Variants in RIC1 observed in about 807,000 individuals in gnomAD.
RIC1 encodes the protein guanine nucleotide exchange factor subunit RIC1.
A neutral mutation model predicts 169.0 loss-of-function variants in RIC1; 88 were observed. The ratio of observed to expected loss-of-function variants is 0.52; its 90% CI spans 0.44 to 0.62. The LOEUF is 0.62. RIC1 is among the 20% of genes least tolerant of loss of function. RIC1 has a pLI of 0.00. For missense variants in RIC1, 1,877 were observed against 1,725.5 expected, an observed-to-expected ratio of 1.09 and a Z score of -1.56; for synonymous variants, 790 against 601.5, an observed-to-expected ratio of 1.31 and a Z score of -4.59.
At chr9:5,691,298 A>G (rs1821579064) in intron 3 of RIC1, among the ~76,000 whole-genome samples, 1 of 152,016 alleles carries the variant, frequency 6.6e-6, no homozygotes, top group East Asian at 1.9e-4. Context: ...GCAATACAGT[A>G]CAAATATTTA....
Position 5,765,686 on chromosome 9 carries a change from G to C in RIC1, c.3025G>C (p.Glu1009Gln). The change falls in exon 21 of 26, where the codon GAG (glutamate) becomes CAG (glutamine). Residue 1009 changes from glutamate to glutamine, a missense_variant. Glu to Gln is a conservative substitution (Grantham distance 29, BLOSUM62 2). Transcript: ENST00000414202. ...AQEPSSSGGF[E>Q]FFRNRSISLS... is the part of the protein sequence containing the mutation. Reference sequence around the variant, plus strand: ...GGAACCCAGTTCAAGTGGTGGATTTGAGTTCTTCAGGAATCGAAGCATCAG... The same window carrying C: ...GGAACCCAGTTCAAGTGGTGGATTTCAGTTCTTCAGGAATCGAAGCATCAG... The C allele has an allele frequency of 6.2e-7, 1 of 1,614,172 alleles. No individual in the cohort carries two copies. The highest frequency in any genetic ancestry group is 1.1e-5 in the South Asian group (1 of 91,072).
Position 5,629,319 on chromosome 9 carries a change from C to T in RIC1, c.10C>T (p.Leu4=), listed in dbSNP as rs1159897410. 2 of 1,524,244 alleles carry T rather than the reference C, an allele frequency of 1.3e-6. No individual in the cohort carries two copies. The highest frequency in any genetic ancestry group is 2.4e-5 in the South Asian group (2 of 82,312). The allele number at this position is 1,524,244 out of a possible 1,614,324, so 94.4% of individuals were successfully genotyped here. A position where few individuals can be genotyped will look rare whatever the true frequency, so the allele number is the denominator to read the frequency against. ...GGGCTCCGCACGGACCATGTATTTT[C>T]TGAGCGGCTGGCCCAAGAGGCTGCT... The part of the protein sequence containing the change: MYF[L]SGWPKRLLCP... The change falls in exon 1 of 26, where the codon CTG becomes TTG. Residue 4 remains leucine, a synonymous_variant. Transcript: ENST00000414202.
chr9:5,662,644 C>G (rs1210288557), intron 2 of RIC1, among the ~76,000 whole-genome samples: 4 of 152,108 alleles, frequency 2.6e-5, no homozygotes, highest in Admixed American at 2.6e-4. Flanking sequence ...TTATAGTATT[C>G]TCTGATGATT....
At chr9:5,700,208 G>C (rs190591443) in intron 3 of RIC1, among the ~76,000 whole-genome samples, 1 of 152,186 alleles carries the variant, frequency 6.6e-6, no homozygotes, top group Admixed American at 6.5e-5. Flanking sequence ...TTCTTAGCTA[G>C]TTCTATAAAT....
At position 5,772,896 on chromosome 9, in the gene RIC1, T is replaced by C; in HGVS notation, c.3799T>C (p.Leu1267=). The C allele has an allele frequency of 6.2e-7, 1 of 1,610,938 alleles. No individual in the cohort carries two copies. The highest frequency in any genetic ancestry group is 8.5e-7 in the Non-Finnish European group (1 of 1,178,686). The part of the protein sequence containing the change: ...PHKSQVQLRY[L]LHIFMEAGCL... Reference sequence around the variant, plus strand: ...TTTGTTTCTGCTTATATTTAGGTATTTGCTACACATTTTCATGGAGGCAGG... The same window carrying C: ...TTTGTTTCTGCTTATATTTAGGTATCTGCTACACATTTTCATGGAGGCAGG... Residue 1267 remains leucine (L), a synonymous_variant, in exon 25 of 26, where the codon TTG becomes CTG. Transcript: ENST00000414202.
intron 8 of RIC1, among the ~76,000 whole-genome samples, chr9:5,739,790 G>A (rs1181677962): frequency 6.6e-6 from 1 of 152,176 alleles, no homozygotes; most frequent in Non-Finnish European, 1.5e-5. Context: ...GTTCACCAGA[G>A]TTTACAAACT....
chr9:5,686,748 G>T (rs2130687923), intron 2 of RIC1, among the ~76,000 whole-genome samples: 1 of 151,970 alleles, frequency 6.6e-6, no homozygotes, highest in African/African-American at 2.4e-5. Flanking sequence ...TGCACAATGT[G>T]CACATGTACC....
At chr9:5,688,887 C>T (rs956401628) in intron 2 of RIC1, among the ~76,000 whole-genome samples, 1 of 152,090 alleles carries the variant, frequency 6.6e-6, no homozygotes, top group African/African-American at 2.4e-5. Flanking sequence ...TGCCACTTCA[C>T]TCTGTTAGGC....
At chr9:5,761,930 C>G (rs998150936) in intron 17 of RIC1, among the ~76,000 whole-genome samples, 2 of 152,188 alleles carry the variant, frequency 1.3e-5, no homozygotes, top group African/African-American at 4.8e-5. Flanking sequence ...ATCTGCCTCT[C>G]CTCAGTAACC....
At position 5,763,752 on chromosome 9, in the gene RIC1, G is replaced by A. The variant is rs1411422828; in HGVS notation, c.2725G>A (p.Glu909Lys). The A allele has an allele frequency of 1.2e-6, 2 of 1,614,184 alleles. No individual in the cohort carries two copies. Among genetic ancestry groups the A allele is most frequent in the Admixed American group, 1.7e-5 (1 of 60,020 alleles). The change falls in exon 19 of 26, where the codon GAA (glutamate) becomes AAA (lysine). Residue 909 changes from glutamate (E) to lysine (K), a missense_variant. Glu to Lys is a moderately conservative substitution (Grantham distance 56). Around this residue, in one of 3 missense-constraint regions of RIC1, gnomAD observed 92 missense variants for 151.5 expected, o/e 0.61. Coordinates refer to ENST00000414202, the MANE Select transcript of RIC1 (RefSeq NM_020829.4). This position sits in a 1 kb window ranked among gnomAD's most constrained non-coding sequence, Gnocchi z 5.2. The part of the protein sequence containing the change: ...QTVVHCARKT[E>K]YALWNYLFAA... ...AGTTGTCCATTGTGCCAGGAAGACCGAATATGCCCTGTGGAATTACCTTTT... is the reference window on the plus strand; with the variant it reads ...AGTTGTCCATTGTGCCAGGAAGACCAAATATGCCCTGTGGAATTACCTTTT...
Position 5,765,549 on chromosome 9 carries a change from C to G in RIC1, c.2977C>G (p.Pro993Ala). 1 of 1,614,122 alleles carries G rather than the reference C, an allele frequency of 6.2e-7. No homozygotes were observed. Among genetic ancestry groups the G allele is most frequent in the Non-Finnish European group, 8.5e-7 (1 of 1,179,970 alleles). ...CATTGGCTCTGGAGAATCTGAGACACCTCCATCCACACCCACAGCTCAGGT... is the reference window on the plus strand; with the variant it reads ...CATTGGCTCTGGAGAATCTGAGACAGCTCCATCCACACCCACAGCTCAGGT... ...KAIGSGESET[P>A]PSTPTAQEPS... Residue 993 changes from proline (P) to alanine (A), a missense_variant, in exon 20 of 26, where the codon CCT (proline) becomes GCT (alanine). This residue lies in a region of RIC1 where 681 missense variants were observed against 582.0 expected (regional missense o/e 1.17). Transcript: ENST00000414202.
rs747546016 is a variant in RIC1, at chr9:5,746,032, C to G, written c.1197C>G (p.Ser399Arg). ...TCAGGAGTGTAGTTAAACAGCCCAG[C>G]ATCCTGTTATTTCAGTTTATTAAGA... ...SDLRSVVKQP[S>R]ILLFQFIKSV... The change falls in exon 11 of 26, where the codon AGC (serine) becomes AGG (arginine). Residue 399 changes from serine to arginine, a missense_variant. Transcript: ENST00000414202. 12 of 1,613,442 alleles carry G rather than the reference C, an allele frequency of 7.4e-6. No individual in the cohort carries two copies. The highest frequency in any genetic ancestry group is 1.0e-5 in the Non-Finnish European group (12 of 1,179,526).
intron 2 of RIC1, among the ~76,000 whole-genome samples, chr9:5,681,802 A>G (rs1820859167): frequency 6.6e-6 from 1 of 152,116 alleles, no homozygotes; most frequent in Non-Finnish European, 1.5e-5. Context: ...GTCAGCAAGG[A>G]CTTGCTTTAT....
intron 17 of RIC1, among the ~76,000 whole-genome samples, chr9:5,760,865 G>C (rs1586705521): frequency 1.3e-5 from 2 of 152,104 alleles, no homozygotes; most frequent in South Asian, 4.1e-4. Flanking sequence ...ATGATCATTG[G>C]TAGCTTAAAT....
chr9:5,630,591 TTGAC>T (rs1435981834), intron 1 of RIC1, among the ~76,000 whole-genome samples: 13 of 152,324 alleles, frequency 8.5e-5, no homozygotes, highest in African/African-American at 3.1e-4. Context: ...GGTGTCTCCT[TTGAC>T]TGTCATAGTT....
At chr9:5,641,096 CTTTT>C (rs34921771) in intron 1 of RIC1, among the ~76,000 whole-genome samples, 1 of 138,528 alleles carries the variant, frequency 7.2e-6, no homozygotes, top group African/African-American at 2.6e-5. Flanking sequence ...AGGTAGTCTT[CTTTT>C]TTTTTTTTTT....
intron 2 of RIC1, among the ~76,000 whole-genome samples, chr9:5,682,387 G>C (rs1342462562): frequency 6.6e-6 from 1 of 152,166 alleles, no homozygotes; most frequent in Non-Finnish European, 1.5e-5. Context: ...TTGCCTGTCT[G>C]TAAAGGATTT....
At chr9:5,739,499 C>T (rs1024095946) in intron 8 of RIC1, among the ~76,000 whole-genome samples, 6 of 152,114 alleles carry the variant, frequency 3.9e-5, no homozygotes, top group African/African-American at 9.7e-5. Flanking sequence ...TCCCATAGTG[C>T]ACCTCCTCAT....
intron 10 of RIC1, among the ~76,000 whole-genome samples, chr9:5,745,104 T>C (rs1366939450): frequency 1.3e-5 from 2 of 152,236 alleles, no homozygotes; most frequent in African/African-American, 4.8e-5. Context: ...TCAGTGCTTC[T>C]GAATGGCATG....
Sources: allele counts gnomAD v4.1 joint callset (sites outside exome capture counted in the v4.1 genomes callset), GRCh38; gene constraint gnomAD v4.1.1; regional missense constraint gnomAD v4.1.1; non-coding constraint Gnocchi (gnomAD v3.1); transcripts MANE v1.5; gene names NCBI Gene and HGNC (gene_info 2026-07-23, HGNC 2026-07-21).